Variants in NRG3 observed in about 807,000 individuals in gnomAD.
NRG3 encodes neuregulin 3, also known as pro-neuregulin-3, membrane-bound isoform.
Under a neutral mutation model 66.9 loss-of-function variants are expected in NRG3, and 31 were observed. That is an observed-to-expected ratio of 0.46 (90% CI 0.35 to 0.63). The LOEUF (loss-of-function observed/expected upper bound fraction) is 0.63, where lower values mean the gene tolerates loss of function less well. Ranked by LOEUF, NRG3 falls within the 20% of genes least tolerant of loss-of-function variation. The pLI is 0.00. For synonymous variants in NRG3, 393 were observed against 359.4 expected (o/e 1.09, Z -1.06); for missense variants, 910 against 878.9 (o/e 1.04, Z -0.45).
intron 1 of NRG3, among the ~76,000 whole-genome samples, chr10:82,074,087 A>C (rs905853021): frequency 5.3e-5 from 8 of 151,954 alleles, no homozygotes; most frequent in African/African-American, 9.7e-5. Context: ...AAAAAAAAAA[A>C]CAGCAGGGTT....
intron 1 of NRG3, among the ~76,000 whole-genome samples, chr10:82,080,757 A>C (rs1234939075): frequency 1.3e-5 from 2 of 152,222 alleles, no homozygotes; most frequent in Non-Finnish European, 2.9e-5. Flanking sequence ...TTATCATTTA[A>C]CCATTCAAAA....
chr10:82,158,624 G>T (rs2071353688), intron 1 of NRG3, among the ~76,000 whole-genome samples: 1 of 151,848 alleles, frequency 6.6e-6, no homozygotes, highest in South Asian at 2.1e-4. Flanking sequence ...GATGCCAGTT[G>T]TGTTGAGGAG....
At chr10:81,929,489 G>A (rs1589493190) in intron 1 of NRG3, among the ~76,000 whole-genome samples, 1 of 152,182 alleles carries the variant, frequency 6.6e-6, no homozygotes, top group Non-Finnish European at 1.5e-5. Flanking sequence ...GCATGGTGTA[G>A]CTGGGCTATG....
intron 5 of NRG3, among the ~76,000 whole-genome samples, chr10:82,953,601 G>T (rs1227469204): frequency 6.6e-6 from 1 of 151,950 alleles, no homozygotes; most frequent in Non-Finnish European, 1.5e-5. Context: ...ATTATATCGT[G>T]TCTCTTAGCC....
At chr10:82,843,856 G>C (rs1434666630) in intron 3 of NRG3, among the ~76,000 whole-genome samples, 2 of 152,146 alleles carry the variant, frequency 1.3e-5, no homozygotes, top group Non-Finnish European at 2.9e-5. Flanking sequence ...ATTAAGTAAT[G>C]ATAAAAGCAC....
intron 1 of NRG3, among the ~76,000 whole-genome samples, chr10:81,919,153 A>C (rs1287304228): frequency 6.6e-6 from 1 of 152,226 alleles, no homozygotes; most frequent in Admixed American, 6.5e-5. Context: ...TTGTATGGAA[A>C]AGGCTTAGCC....
chr10:82,346,532 T>C (rs1299634212), intron 1 of NRG3, among the ~76,000 whole-genome samples: 7 of 152,096 alleles, frequency 4.6e-5, no homozygotes, highest in Non-Finnish European at 1.0e-4. Flanking sequence ...TTCTCTTTTT[T>C]GGTTGAGTCT....
At position 82,641,132 on chromosome 10, in the gene NRG3, G is replaced by A. The variant is rs1332656772; in HGVS notation, c.954-97445G>A. The stretch of plus-strand genomic sequence containing the variant: ...TGCAAGCTCCGCCTCCCGGGTTCAC[G>A]CCATTCTCCTGCCTCAGCAGTCTGT... On this transcript the variant is annotated intron_variant, in intron 2 of 8. Coordinates refer to ENST00000372141, the MANE Select transcript of NRG3 (RefSeq NM_001010848.4). 2.3e-3 allele frequency among the ~76,000 whole-genome samples: 18 copies of A among 7,670 alleles called. 2 individuals are homozygous for A. The highest frequency in any genetic ancestry group is 6.2e-3 in the Non-Finnish European group (18 of 2,882). 5.0% of individuals were successfully genotyped at this position (7,670 alleles called of 152,430 possible).
chr10:82,975,241 A>G (rs1451978018), intron 7 of NRG3, among the ~76,000 whole-genome samples: 1 of 152,152 alleles, frequency 6.6e-6, no homozygotes, highest in Non-Finnish European at 1.5e-5. Context: ...TTTTCTCCCA[A>G]ATGGTATTTT....
chr10:82,380,680 G>GA (rs886702500), intron 2 of NRG3, among the ~76,000 whole-genome samples: 3 of 152,090 alleles, frequency 2.0e-5, no homozygotes, highest in African/African-American at 4.8e-5. Context: ...TATTTGACGG[G>GA]AAAAACATAT....
intron 2 of NRG3, among the ~76,000 whole-genome samples, chr10:82,703,564 G>A (rs1047764754): frequency 6.6e-6 from 1 of 152,044 alleles, no homozygotes; most frequent in African/African-American, 2.4e-5. Flanking sequence ...CAATAATGAA[G>A]GAAGAACCAT....
intron 1 of NRG3, among the ~76,000 whole-genome samples, chr10:82,245,874 C>G (rs958772418): frequency 6.6e-6 from 1 of 151,800 alleles, no homozygotes; most frequent in African/African-American, 2.4e-5. Flanking sequence ...CTAATTTGCC[C>G]TGCTCTTGGG....
intron 4 of NRG3, among the ~76,000 whole-genome samples, chr10:82,909,647 A>C (rs1449298622): frequency 1.3e-5 from 2 of 152,192 alleles, no homozygotes; most frequent in Non-Finnish European, 2.9e-5. Context: ...GTTCCTAATG[A>C]TGTTCCACAT....
intron 1 of NRG3, among the ~76,000 whole-genome samples, chr10:82,058,655 T>G (rs1055487312): frequency 7.2e-5 from 11 of 152,096 alleles, no homozygotes; most frequent in Non-Finnish European, 1.5e-4. Context: ...TTGATTTTTT[T>G]CCCTTCTCCT....
chr10:82,097,407 CATATATATATATCTGTAATAT>C (rs1203329556), intron 1 of NRG3, among the ~76,000 whole-genome samples: 19 of 139,394 alleles, frequency 1.4e-4, no homozygotes, highest in Admixed American at 6.5e-4. Context: ...CTCCCAGATA[CATATATATATATCTGTAATAT>C]ATATATATAT....
intron 1 of NRG3, among the ~76,000 whole-genome samples, chr10:81,896,660 C>CTT (rs11384260): frequency 1.1e-3 from 158 of 140,280 alleles, no homozygotes; most frequent in African/African-American, 2.8e-3. Flanking sequence ...GAATCTAGGG[C>CTT]TTTTTTTTTT....
chr10:81,918,203 A>G (rs1845891416), intron 1 of NRG3, among the ~76,000 whole-genome samples: 1 of 152,178 alleles, frequency 6.6e-6, no homozygotes, highest in South Asian at 2.1e-4. Context: ...CTGTTTTTTC[A>G]TCTATATATT....
At chr10:82,676,505 A>G (rs889650205) in intron 2 of NRG3, among the ~76,000 whole-genome samples, 4 of 151,686 alleles carry the variant, frequency 2.6e-5, no homozygotes, top group Non-Finnish European at 5.9e-5. Flanking sequence ...TTTTTTCAAG[A>G]TGGAGTCTCA....
At chr10:82,378,682 T>C (rs1295981827) in intron 2 of NRG3, among the ~76,000 whole-genome samples, 2 of 152,108 alleles carry the variant, frequency 1.3e-5, no homozygotes, top group Non-Finnish European at 2.9e-5. Context: ...GCGATTCTCC[T>C]GTCTCAGCCT....
Sources: gnomAD v4.1 joint callset for allele counts (sites outside exome capture counted in the v4.1 genomes callset) on GRCh38, gnomAD v4.1.1 for gene constraint, MANE v1.5 for transcripts, NCBI Gene and HGNC (gene_info 2026-07-23, HGNC 2026-07-21) for gene names.